PDE4D: variants seen among roughly 807,000 people sequenced by gnomAD.
PDE4D encodes the protein 3',5'-cyclic-AMP phosphodiesterase 4D.
PDE4D carries 24 observed loss-of-function variants against 87.4 expected under a neutral mutation model. The observed-to-expected ratio is 0.27, with a 90% confidence interval of 0.20 to 0.39. The LOEUF is 0.39. PDE4D is among the 10% of genes least tolerant of loss of function. The probability of loss-of-function intolerance (pLI) is 1.00; values close to 1 mark genes in which losing one functional copy is unlikely to be tolerated. For missense variants in PDE4D, 714 were observed against 1,041.0 expected, an observed-to-expected ratio of 0.69 and a Z score of 4.32; for synonymous variants, 384 against 383.2, an observed-to-expected ratio of 1.00 and a Z score of -0.02.
chr5:59,043,766 G>T (rs9686835), intron 5 of PDE4D, among the ~76,000 whole-genome samples: 88,314 of 149,552 alleles, frequency 0.59, 26,329 homozygotes, highest in East Asian at 0.84. Context: ...CCATGTGTTC[G>T]CATTGTTCAA....
chr5:59,689,044 C>T (rs984552436), intron 1 of PDE4D, among the ~76,000 whole-genome samples: 9 of 152,142 alleles, frequency 5.9e-5, no homozygotes, highest in Non-Finnish European at 1.3e-4. Flanking sequence ...CCTCAATAGA[C>T]CAATAACAGG....
chr5:60,257,209 TGAAAGAAAGAAAGAGAAAGAAAGAAA>T (rs1749151413), intron 1 of PDE4D, among the ~76,000 whole-genome samples: 1 of 90,056 alleles, frequency 1.1e-5, no homozygotes, highest in Non-Finnish European at 2.2e-5. Context: ...AAAGAATGAA[TGAAAGAAAGAAAGAGAAAGAAAGAAA>T]GAAAGAAAGA....
intron 1 of PDE4D, among the ~76,000 whole-genome samples, chr5:59,324,523 C>T (rs1237474201): frequency 6.6e-6 from 1 of 152,112 alleles, no homozygotes; most frequent in Non-Finnish European, 1.5e-5. Context: ...CAAGGGGAGA[C>T]CATCTGGAAA....
intron 3 of PDE4D, among the ~76,000 whole-genome samples, chr5:59,961,073 G>T (rs1226910440): frequency 1.3e-5 from 2 of 152,042 alleles, no homozygotes; most frequent in Non-Finnish European, 2.9e-5. Flanking sequence ...GAGCATAACA[G>T]AAAAATTGTA....
intron 5 of PDE4D, among the ~76,000 whole-genome samples, chr5:59,118,965 G>A (rs1431921067): frequency 6.6e-6 from 1 of 152,072 alleles, no homozygotes; most frequent in African/African-American, 2.4e-5. Context: ...TATAAAGTGG[G>A]GTGGGGAGGA....
chr5:59,370,086 C>T (rs776029361), intron 1 of PDE4D, among the ~76,000 whole-genome samples: 2 of 152,154 alleles, frequency 1.3e-5, no homozygotes, highest in Non-Finnish European at 2.9e-5. Context: ...GATCACTTCT[C>T]GCCATCTCCA....
At chr5:59,133,420 T>C (rs1482288918) in intron 5 of PDE4D, among the ~76,000 whole-genome samples, 3 of 152,172 alleles carry the variant, frequency 2.0e-5, no homozygotes, top group African/African-American at 4.8e-5. Flanking sequence ...TTTCACAAGG[T>C]AATTTATTTG....
chr5:59,289,188 T>TA (rs1473076105), intron 1 of PDE4D, among the ~76,000 whole-genome samples: 19 of 152,148 alleles, frequency 1.2e-4, no homozygotes, highest in African/African-American at 4.3e-4. Context: ...CAGAAAGTTT[T>TA]AAAGCGGGGG....
chr5:60,460,807 T>A (rs569834194), intron 1 of PDE4D: 1 of 538,232 alleles, frequency 1.9e-6, no homozygotes, highest in African/African-American at 1.9e-5. Context: ...CAGAACACTC[T>A]GGTATAAGAT....
intron 2 of PDE4D, among the ~76,000 whole-genome samples, chr5:60,077,229 T>C (rs976898077): frequency 2.0e-5 from 3 of 152,174 alleles, no homozygotes; most frequent in African/African-American, 7.2e-5. Flanking sequence ...CAAGGTGCAC[T>C]CATGCAGGCA....
chr5:59,429,428 T>C lies in PDE4D; in HGVS notation c.456-213460A>G, dbSNP rs143123065. Among the ~76,000 whole-genome samples the C allele has an allele frequency of 1.1e-3, 171 of 151,850 alleles. 3 individuals are homozygous for C. The East Asian group carries it at 0.03, about 26-fold the overall frequency. On this transcript the variant is annotated intron_variant, in intron 1 of 14. Transcript: ENST00000340635. ...TAGAAACTTTTTAATCACTTAAACATCCCTTCATGTTTATAATAAGGTGAA... is the reference window on the plus strand; with the variant it reads ...TAGAAACTTTTTAATCACTTAAACACCCCTTCATGTTTATAATAAGGTGAA...
chr5:59,726,553 T>G (rs1244438403), intron 1 of PDE4D, among the ~76,000 whole-genome samples: 1 of 152,092 alleles, frequency 6.6e-6, no homozygotes, highest in African/African-American at 2.4e-5. Context: ...AACCTAAACA[T>G]GCTGGCACCC....
chr5:60,480,789 A>C (rs961236005), intron 1 of PDE4D, among the ~76,000 whole-genome samples: 3 of 152,182 alleles, frequency 2.0e-5, no homozygotes, highest in African/African-American at 7.2e-5. Context: ...TCAGAATCTT[A>C]AAACTGAGAC....
At chr5:60,386,853 G>T (rs2150017697) in intron 1 of PDE4D, among the ~76,000 whole-genome samples, 1 of 152,264 alleles carries the variant, frequency 6.6e-6, no homozygotes, top group East Asian at 1.9e-4. Context: ...CTTTGATCTG[G>T]GATCTGTGAC....
chr5:59,527,092 G>A (rs917015919), intron 1 of PDE4D, among the ~76,000 whole-genome samples: 3 of 152,108 alleles, frequency 2.0e-5, no homozygotes, highest in Non-Finnish European at 4.4e-5. Context: ...TAGGCAAAAC[G>A]TGAATATGTA....
chr5:59,961,079 T>C (rs1259007210), intron 3 of PDE4D, among the ~76,000 whole-genome samples: 8 of 151,798 alleles, frequency 5.3e-5, no homozygotes, highest in Non-Finnish European at 7.4e-5. Context: ...AACAGAAAAA[T>C]TGTAACTTCT....
intron 1 of PDE4D, among the ~76,000 whole-genome samples, chr5:59,230,206 T>A (rs1422523501): frequency 1.3e-5 from 2 of 151,906 alleles, no homozygotes; most frequent in Non-Finnish European, 2.9e-5. Context: ...AGTACCCAAA[T>A]TTTCAAAGCT....
chr5:60,064,392 T>C (rs902754108), intron 2 of PDE4D, among the ~76,000 whole-genome samples: 2 of 152,030 alleles, frequency 1.3e-5, no homozygotes, highest in African/African-American at 4.8e-5. Flanking sequence ...GAACACCCAG[T>C]ATTTGAAGGT....
intron 1 of PDE4D, among the ~76,000 whole-genome samples, chr5:60,209,742 G>C (rs922937429): frequency 2.0e-5 from 3 of 151,682 alleles, no homozygotes; most frequent in African/African-American, 7.3e-5. Context: ...AAGAGGGAGG[G>C]GGAGAAAAGG....
Sources: gnomAD v4.1 joint callset for allele counts (sites outside exome capture counted in the v4.1 genomes callset) on GRCh38, gnomAD v4.1.1 for gene constraint, MANE v1.5 for transcripts, NCBI Gene and HGNC (gene_info 2026-07-23, HGNC 2026-07-21) for gene names.